Variants in TRAPPC10 observed in about 807,000 individuals in gnomAD.
TRAPPC10 encodes TRAPP 130 kDa subunit.
In TRAPPC10, 23 loss-of-function variants were observed where a neutral mutation model predicts 125.5. The ratio of observed to expected loss-of-function variants is 0.18; its 90% CI spans 0.13 to 0.26. The LOEUF is 0.26. Among genes scored for constraint, TRAPPC10 ranks in the 10% least tolerant of loss-of-function variants. The probability of loss-of-function intolerance (pLI) is 1.00; values close to 1 mark genes in which losing one functional copy is unlikely to be tolerated. For synonymous variants in TRAPPC10, 509 were observed against 518.0 expected, an observed-to-expected ratio of 0.98 and a Z score of 0.24; for missense variants, 1,123 against 1,308.4, an observed-to-expected ratio of 0.86 and a Z score of 2.19.
At chr21:44,020,433 T>C (rs1013514256) in intron 1 of TRAPPC10, among the ~76,000 whole-genome samples, 1 of 152,150 alleles carries the variant, frequency 6.6e-6, no homozygotes, top group Non-Finnish European at 1.5e-5. Flanking sequence ...CCCATTTTTC[T>C]TATTTTTAAC....
chr21:44,073,688 T>A (rs893825977), intron 7 of TRAPPC10, among the ~76,000 whole-genome samples: 21 of 152,196 alleles, frequency 1.4e-4, no homozygotes, highest in African/African-American at 4.3e-4. Flanking sequence ...GTTTTTCAAA[T>A]ACAGACATTG....
At chr21:44,070,279 A>G (rs377378238) in intron 7 of TRAPPC10, among the ~76,000 whole-genome samples, 5 of 152,366 alleles carry the variant, frequency 3.3e-5, no homozygotes, top group African/African-American at 7.2e-5. Flanking sequence ...TTGCTAATAC[A>G]GCAATCAGGA....
At chr21:44,088,700 G>A (rs552988978) in intron 17 of TRAPPC10, 16 of 155,250 alleles carry the variant, frequency 1.0e-4, no homozygotes, top group East Asian at 3.9e-4. Context: ...GCAGGAGCGC[G>A]CAGCACTGGT....
chr21:44,012,966 C>G (rs1004222811), intron 1 of TRAPPC10, among the ~76,000 whole-genome samples: 1 of 152,230 alleles, frequency 6.6e-6, no homozygotes, highest in Non-Finnish European at 1.5e-5. Context: ...GCGCCCTTTC[C>G]CCGACTACGG....
intron 3 of TRAPPC10, among the ~76,000 whole-genome samples, chr21:44,048,835 G>A (rs1023836881): frequency 6.8e-6 from 1 of 147,632 alleles, no homozygotes; most frequent in Non-Finnish European, 1.5e-5. Flanking sequence ...TTCAGGCAGT[G>A]GTGTAAATCT....
intron 3 of TRAPPC10, among the ~76,000 whole-genome samples, chr21:44,051,592 T>C (rs928045179): frequency 3.3e-5 from 5 of 152,244 alleles, no homozygotes; most frequent in African/African-American, 1.2e-4. Flanking sequence ...AGGCTCATGC[T>C]TGGGCCTCTG....
At position 44,052,862 on chromosome 21, in the gene TRAPPC10, G is replaced by A. The variant is rs1245761778; in HGVS notation, c.482+386G>A. Among the ~76,000 whole-genome samples, 4 of 151,894 alleles carry A rather than the reference G, an allele frequency of 2.6e-5. No homozygotes were observed. In the South Asian group the frequency reaches 8.3e-4, roughly 32 times the overall value. ...TACCTTAACACCTGAGAGTTCCTAA[G>A]AACACAAGTTATAAAATGCTGACCT... On this transcript the variant is annotated intron_variant, in intron 4 of 22. Coordinates refer to ENST00000291574, the MANE Select transcript of TRAPPC10 (RefSeq NM_003274.5).
intron 15 of TRAPPC10, among the ~76,000 whole-genome samples, 160 bp downstream of exon 15, chr21:44,084,423 T>G (rs1264681804): frequency 6.6e-6 from 1 of 152,230 alleles, no homozygotes; most frequent in Non-Finnish European, 1.5e-5. Context: ...GCTGACTGCC[T>G]CTTTTGTTTA....
In TRAPPC10 at chr21:44,063,003, C is replaced by T; in HGVS notation, c.791-535C>T. 7.7e-7 allele frequency: 1 copy of T among 1,303,868 alleles called. No individual in the cohort carries two copies. The highest frequency in any genetic ancestry group is 1.0e-6 in the Non-Finnish European group (1 of 988,868). 80.8% of individuals were successfully genotyped at this position (1,303,868 alleles called of 1,614,324 possible). On this transcript the variant is annotated intron_variant, in intron 6 of 22. Transcript: ENST00000291574. This position sits in a 1 kb window ranked among gnomAD's most constrained non-coding sequence, Gnocchi z 4.4. The stretch of plus-strand genomic sequence containing the variant: ...CTGAAATTTTCGACAAGCAGTAATT[C>T]TTTTTCCTTCTATGTGCTGCTACCA...
At chr21:44,038,465 C>T (rs2034159732) in intron 3 of TRAPPC10, among the ~76,000 whole-genome samples, 1 of 151,910 alleles carries the variant, frequency 6.6e-6, no homozygotes, top group South Asian at 2.1e-4. Context: ...GGACCATGTC[C>T]TTCCTCCCTG....
chr21:44,047,163 T>G, intron 3 of TRAPPC10: 1 of 398,832 alleles, frequency 2.5e-6, no homozygotes, highest in South Asian at 2.8e-5. Flanking sequence ...TTTATAGTTT[T>G]GATTTAATTT....
chr21:44,093,925 C>A, intron 19 of TRAPPC10, 138 bp from the exon 20 acceptor site: 1 of 821,100 alleles, frequency 1.2e-6, no homozygotes, highest in Non-Finnish European at 1.9e-6. Context: ...AAGCAGCATG[C>A]ATAGGCGTGC....
intron 12 of TRAPPC10, 119 bp from the exon 13 acceptor site, chr21:44,079,896 A>T (rs2037560164): frequency 4.1e-5 from 16 of 385,660 alleles, no homozygotes; most frequent in South Asian, 1.3e-4. Flanking sequence ...CTAGTAACTT[A>T]AAAAAAAAAA....
chr21:44,066,925 A>G (rs1320919241), intron 7 of TRAPPC10, among the ~76,000 whole-genome samples: 1 of 152,242 alleles, frequency 6.6e-6, no homozygotes, highest in Non-Finnish European at 1.5e-5. Flanking sequence ...AGAAAAAAGT[A>G]TGATACTTAT....
chr21:44,063,892 T>C lies in TRAPPC10; in HGVS notation c.1038+107T>C. On this transcript the variant is annotated intron_variant, in intron 7 of 22. Coordinates refer to ENST00000291574, the MANE Select transcript of TRAPPC10 (RefSeq NM_003274.5). This position sits in a 1 kb window ranked among gnomAD's most constrained non-coding sequence, Gnocchi z 4.4. ...ACTGTTTGTGCTTAAGAAAGGGTTT[T>C]CTTTTCTGAATGCCTTTAATTTTCA... The C allele has an allele frequency of 3.5e-6, 5 of 1,448,898 alleles. No individual in the cohort carries two copies. In the Admixed American group the frequency reaches 6.9e-5, roughly 20 times the overall value. 89.8% of individuals were successfully genotyped at this position (1,448,898 alleles called of 1,614,324 possible).
chr21:44,028,475 G>A (rs552435458), intron 1 of TRAPPC10, among the ~76,000 whole-genome samples: 13 of 152,282 alleles, frequency 8.5e-5, no homozygotes, highest in African/African-American at 2.9e-4. Context: ...AGTGCCTGCT[G>A]TTCAGCCAGG....
intron 3 of TRAPPC10, among the ~76,000 whole-genome samples, chr21:44,044,266 T>C (rs2034616881): frequency 7.7e-6 from 1 of 129,362 alleles, no homozygotes. Context: ...CTTTAGCTTT[T>C]GTGGCCATTT....
At chr21:44,053,932 T>G (rs1370174915) in intron 4 of TRAPPC10, among the ~76,000 whole-genome samples, 1 of 148,156 alleles carries the variant, frequency 6.7e-6, no homozygotes, top group Non-Finnish European at 1.5e-5. Flanking sequence ...TTGATGATGA[T>G]ATAGAAACAG....
rs537418324 is a variant in TRAPPC10 at position 44,042,199 on chromosome 21, G to A, written c.285+4272G>A. On this transcript the variant is annotated intron_variant, in intron 3 of 22. Coordinates refer to ENST00000291574, the MANE Select transcript of TRAPPC10 (RefSeq NM_003274.5). Reference sequence around the variant, plus strand: ...ATTTTCTTCTTTTTGTTTTCTCATGGTTTACTTTGTTCATTTTTTAGTTTT... The same window carrying A: ...ATTTTCTTCTTTTTGTTTTCTCATGATTTACTTTGTTCATTTTTTAGTTTT... Among the ~76,000 whole-genome samples, 6 of 151,784 alleles carry A rather than the reference G, an allele frequency of 4.0e-5. No homozygotes were observed. The South Asian group carries it at 1.3e-3, about 32-fold the overall frequency.
Sources: allele counts gnomAD v4.1 joint callset (sites outside exome capture counted in the v4.1 genomes callset), GRCh38; gene constraint gnomAD v4.1.1; non-coding constraint Gnocchi (gnomAD v3.1); transcripts MANE v1.5; gene names NCBI Gene and HGNC (gene_info 2026-07-23, HGNC 2026-07-21).